PLD5: variants seen among roughly 807,000 people sequenced by gnomAD.
The protein encoded by PLD5 is phospholipase D family member 5, also known as inactive phospholipase D5.
Under a neutral mutation model 61.1 loss-of-function variants are expected in PLD5, and 36 were observed. That is an observed-to-expected ratio of 0.59 (90% CI 0.45 to 0.78). The LOEUF is 0.78. PLD5 is among the 30% of genes least tolerant of loss of function. The pLI is 0.00. For synonymous variants in PLD5, 243 were observed against 242.8 expected, an observed-to-expected ratio of 1.00 and a Z score of -0.01; for missense variants, 515 against 644.4, an observed-to-expected ratio of 0.80 and a Z score of 2.17.
chr1:242,459,859 G>T (rs531736308), intron 1 of PLD5, among the ~76,000 whole-genome samples: 1 of 152,206 alleles, frequency 6.6e-6, no homozygotes, highest in African/African-American at 2.4e-5. Context: ...CATGGGGGGC[G>T]CCTGTCCATA....
intron 1 of PLD5, among the ~76,000 whole-genome samples, chr1:242,360,009 A>G (rs542597067): frequency 6.6e-6 from 1 of 152,308 alleles, no homozygotes; most frequent in East Asian, 1.9e-4. Flanking sequence ...TGTTAGATGG[A>G]AATTTTCTAG....
At chr1:242,223,814 G>A (rs996354796) in intron 4 of PLD5, among the ~76,000 whole-genome samples, 1 of 151,080 alleles carries the variant, frequency 6.6e-6, no homozygotes, top group Non-Finnish European at 1.5e-5. Flanking sequence ...GAAGACATAT[G>A]CTTTTATCTT....
intron 1 of PLD5, among the ~76,000 whole-genome samples, chr1:242,494,878 C>CTTTTTTTTTTTTTTTTTTTTTTTTTT (rs556893161): frequency 1.5e-5 from 2 of 135,890 alleles, no homozygotes; most frequent in African/African-American, 5.6e-5. Flanking sequence ...TTTTTCTTTT[C>CTTTTTTTTTTTTTTTTTTTTTTTTTT]TGTTTTTTTT....
At chr1:242,150,113 A>AT (rs150003390) in intron 5 of PLD5, among the ~76,000 whole-genome samples, 1,761 of 151,842 alleles carry the variant, frequency 0.012, 39 homozygotes, top group African/African-American at 0.04. Flanking sequence ...TATTGTCCAG[A>AT]TTTTTTTATT....
intron 5 of PLD5, among the ~76,000 whole-genome samples, chr1:242,152,432 T>C (rs145065616): frequency 6.6e-6 from 1 of 152,170 alleles, no homozygotes; most frequent in Non-Finnish European, 1.5e-5. Context: ...GGTATACATG[T>C]GCCATGGTGG....
At chr1:242,374,358 G>T (rs1309466165) in intron 1 of PLD5, among the ~76,000 whole-genome samples, 1 of 152,144 alleles carries the variant, frequency 6.6e-6, no homozygotes, top group Non-Finnish European at 1.5e-5. Flanking sequence ...TTCCTCCATT[G>T]ATCGGAGAGG....
chr1:242,414,295 A>G (rs1384529477), intron 1 of PLD5, among the ~76,000 whole-genome samples: 3 of 152,220 alleles, frequency 2.0e-5, no homozygotes, highest in African/African-American at 7.2e-5. Flanking sequence ...TATTTTAGAG[A>G]GAAAATTAAA....
intron 1 of PLD5, among the ~76,000 whole-genome samples, chr1:242,489,278 CTTGA>C (rs1668062461): frequency 6.6e-6 from 1 of 151,562 alleles, no homozygotes; most frequent in Non-Finnish European, 1.5e-5. Context: ...CATTATATAT[CTTGA>C]TTGAGATGTT....
intron 2 of PLD5, among the ~76,000 whole-genome samples, chr1:242,327,657 T>G (rs531279445): frequency 6.6e-6 from 1 of 152,332 alleles, no homozygotes; most frequent in Non-Finnish European, 1.5e-5. Flanking sequence ...AAAAACAGAC[T>G]GATGAGTTGT....
intron 1 of PLD5, among the ~76,000 whole-genome samples, chr1:242,500,023 G>A (rs564968224): frequency 3.3e-5 from 5 of 152,256 alleles, no homozygotes; most frequent in Non-Finnish European, 5.9e-5. Flanking sequence ...GCAGCCTGGC[G>A]GACACAGGGT....
upstream of PLD5, among the ~76,000 whole-genome samples, chr1:242,527,065 C>A (rs1198119809): frequency 6.9e-6 from 1 of 144,604 alleles, no homozygotes; most frequent in African/African-American, 2.6e-5. Context: ...TTAAACTATA[C>A]CTTTATAGGA....
Position 242,513,898 on chromosome 1 carries a change from A to G in PLD5, c.189+10190T>C, listed in dbSNP as rs891818876. On this transcript the variant is annotated intron_variant, in intron 1 of 9. Coordinates refer to ENST00000536534, the MANE Select transcript of PLD5 (RefSeq NM_001372062.1). The stretch of plus-strand genomic sequence containing the variant: ...GACTCACCAGATCCAATTCAACAGG[A>G]AGTCCCATGAGCTCTTATTTTACAA... Among the ~76,000 whole-genome samples, 5 of 152,226 alleles carry G rather than the reference A, an allele frequency of 3.3e-5. No homozygotes were observed. In the South Asian group the frequency reaches 1.0e-3, roughly 32 times the overall value.
intron 5 of PLD5, among the ~76,000 whole-genome samples, chr1:242,148,606 C>G (rs961311109): frequency 6.6e-6 from 1 of 151,906 alleles, no homozygotes; most frequent in Non-Finnish European, 1.5e-5. Flanking sequence ...ATAGCATTTT[C>G]TAAATGACAA....
chr1:242,497,907 G>A (rs1340142893), intron 1 of PLD5, among the ~76,000 whole-genome samples: 1 of 152,216 alleles, frequency 6.6e-6, no homozygotes, highest in African/African-American at 2.4e-5. Flanking sequence ...TAAAGCAGGA[G>A]CAGAGGGAAG....
At chr1:242,276,508 T>C (rs1310735447) in intron 3 of PLD5, among the ~76,000 whole-genome samples, 1 of 147,158 alleles carries the variant, frequency 6.8e-6, no homozygotes, top group African/African-American at 2.5e-5. Context: ...GATAACACAG[T>C]GATGAACCTG....
intron 7 of PLD5, among the ~76,000 whole-genome samples, chr1:242,108,581 A>C (rs1558228721): frequency 2.0e-5 from 3 of 152,106 alleles, no homozygotes; most frequent in Non-Finnish European, 4.4e-5. Flanking sequence ...GCCGGCCCCC[A>C]ACACACACTG....
At chr1:242,493,630 G>T (rs1365417541) in intron 1 of PLD5, among the ~76,000 whole-genome samples, 2 of 152,132 alleles carry the variant, frequency 1.3e-5, no homozygotes, top group East Asian at 1.9e-4. Context: ...GAGAGGACGG[G>T]CTTGTCTAGA....
At chr1:242,300,812 G>A (rs1248610011) in intron 2 of PLD5, among the ~76,000 whole-genome samples, 6 of 152,128 alleles carry the variant, frequency 3.9e-5, no homozygotes, top group East Asian at 1.9e-4. Flanking sequence ...GAGCCTCGGC[G>A]AAGGGCGGTG....
At chr1:242,246,971 ATTCTTTTTTTTTTTTTTTTT>A (rs1672407388) in intron 4 of PLD5, among the ~76,000 whole-genome samples, 2 of 127,616 alleles carry the variant, frequency 1.6e-5, no homozygotes, top group Non-Finnish European at 1.6e-5. Context: ...GGTTTTAGGG[ATTCTTTTTTTTTTTTTTTTT>A]TTTTTTTTTT....
Sources: allele counts gnomAD v4.1 joint callset (sites outside exome capture counted in the v4.1 genomes callset), GRCh38; gene constraint gnomAD v4.1.1; transcripts MANE v1.5; gene names NCBI Gene and HGNC (gene_info 2026-07-23, HGNC 2026-07-21).